Variants in ARL14EP observed in about 807,000 individuals in gnomAD.
ARL14EP encodes ARF like GTPase 14 effector protein.
Under a neutral mutation model 23.1 loss-of-function variants are expected in ARL14EP, and 12 were observed. The observed-to-expected ratio is 0.52, with a 90% CI of 0.33 to 0.84. ARL14EP has a LOEUF of 0.84. Ranked by LOEUF, ARL14EP falls within the 40% of genes least tolerant of loss-of-function variation. The pLI is 0.02. For missense variants in ARL14EP, 253 were observed against 307.3 expected (o/e 0.82, Z 1.32); for synonymous variants, 97 against 102.0 (o/e 0.95, Z 0.29).
intron 1 of ARL14EP, chr11:30,330,487 C>T (rs1409691748): frequency 6.4e-6 from 1 of 156,754 alleles, no homozygotes; most frequent in Non-Finnish European, 1.4e-5. Flanking sequence ...ATAATTTTCT[C>T]CATGAAGGTC....
intron 1 of ARL14EP, among the ~76,000 whole-genome samples, chr11:30,324,571 A>G (rs34729936): frequency 0.012 from 1,829 of 151,896 alleles, 73 homozygotes; most frequent in Admixed American, 0.078. Context: ...GTTCTGCATT[A>G]ACACCCCGAA....
At chr11:30,326,791 T>G (rs1947237890) in intron 1 of ARL14EP, among the ~76,000 whole-genome samples, 1 of 152,130 alleles carries the variant, frequency 6.6e-6, no homozygotes, top group African/African-American at 2.4e-5. Flanking sequence ...TATGGAAGAC[T>G]TTAAAACTAC....
At position 30,332,887 on chromosome 11, in the gene ARL14EP, A is replaced by C. The variant is rs1947296453; in HGVS notation, c.448A>C (p.Arg150=). 1 of 1,613,444 alleles carries C rather than the reference A, an allele frequency of 6.2e-7. No individual in the cohort carries two copies. Among genetic ancestry groups the C allele is most frequent in the Non-Finnish European group, 8.5e-7 (1 of 1,179,530 alleles). Residue 150 remains arginine (R), a synonymous_variant, in exon 3 of 4, where the codon AGG becomes CGG. Coordinates refer to ENST00000282032, the MANE Select transcript of ARL14EP (RefSeq NM_152316.3). ...TCAGGGAAGAACTGCTAAAGCTTTG[A>C]GGTCATTACAATTTACGAATCCAGG... ...ESDGRTAKAL[R]SLQFTNPGRQ... is the part of the protein sequence containing the mutation.
intron 2 of ARL14EP, chr11:30,331,733 G>T: frequency 9.5e-7 from 1 of 1,053,850 alleles, no homozygotes. Context: ...AAGGGTCTTT[G>T]CAGCAGGATG....
rs1947277646 is a variant in ARL14EP at position 30,330,977 on chromosome 11, A to C, written c.29A>C (p.Gln10Pro). 1 of 1,613,726 alleles carries C rather than the reference A, an allele frequency of 6.2e-7. No homozygotes were observed. Among genetic ancestry groups the C allele is most frequent in the Non-Finnish European group, 8.5e-7 (1 of 1,179,776 alleles). Residue 10 changes from glutamine (Q) to proline (P), a missense_variant, in exon 2 of 4, where the codon CAG (glutamine) becomes CCG (proline). Transcript: ENST00000282032. ...ATGGATCCATGTTCAGTTGGAGTCC[A>C]GCTTCGTACTACAAATGAGTGCCAT... is the stretch of plus-strand genomic sequence containing the variant. MMDPCSVGVQLRTTNECHKT... is the reference protein window; with the variant it reads MMDPCSVGVPLRTTNECHKT...
At chr11:30,335,243 T>A (rs192557781) in intron 3 of ARL14EP, among the ~76,000 whole-genome samples, 62 of 152,354 alleles carry the variant, frequency 4.1e-4, no homozygotes, top group African/African-American at 1.4e-3. Flanking sequence ...AAAACTTGAA[T>A]GGATAAGGAG....
chr11:30,333,147 A>G lies in ARL14EP; in HGVS notation c.554+154A>G, dbSNP rs1427871133. On this transcript the variant is annotated intron_variant, in intron 3 of 3. Transcript: ENST00000282032. Reference sequence around the variant, plus strand: ...CCTATGAAGGCCTTTGTTTTTATTCATATAAAATTAAGGTATCCCTTTCAA... The same window carrying G: ...CCTATGAAGGCCTTTGTTTTTATTCGTATAAAATTAAGGTATCCCTTTCAA... Among the ~76,000 whole-genome samples, 4 of 152,344 alleles carry G rather than the reference A, an allele frequency of 2.6e-5. No homozygotes were observed. The East Asian group carries it at 7.7e-4, about 29-fold the overall frequency.
intron 2 of ARL14EP, among the ~76,000 whole-genome samples, chr11:30,332,040 A>G (rs893080829): frequency 3.3e-5 from 5 of 152,110 alleles, no homozygotes; most frequent in Non-Finnish European, 7.4e-5. Context: ...ATATTTAACC[A>G]TATCAGAACA....
In ARL14EP at chr11:30,336,847, G is replaced by C. The variant is rs1473789456; in HGVS notation, c.*52G>C. Reference sequence around the variant, plus strand: ...TAAAGGTCTTTATTTCTAAAAATCTGTTACTCTAAGATACATTTTAAGCTT... The same window carrying C: ...TAAAGGTCTTTATTTCTAAAAATCTCTTACTCTAAGATACATTTTAAGCTT... On this transcript the variant is annotated 3_prime_UTR_variant, in exon 4 of 4. Transcript: ENST00000282032. The C allele has an allele frequency of 6.8e-7, 1 of 1,459,888 alleles. No individual in the cohort carries two copies. The highest frequency in any genetic ancestry group is 9.6e-7 in the Non-Finnish European group (1 of 1,044,544). 90.4% of individuals were successfully genotyped at this position (1,459,888 alleles called of 1,614,324 possible). A position where few individuals can be genotyped will look rare whatever the true frequency, so the allele number is the denominator to read the frequency against.
At chr11:30,326,506 A>G (rs553738899) in intron 1 of ARL14EP, among the ~76,000 whole-genome samples, 1 of 152,370 alleles carries the variant, frequency 6.6e-6, no homozygotes, top group East Asian at 1.9e-4. Flanking sequence ...TGTAGGCCAC[A>G]TTGCCAGAAC....
chr11:30,326,315 C>G (rs11031048), intron 1 of ARL14EP, among the ~76,000 whole-genome samples: 4,454 of 152,216 alleles, frequency 0.029, 224 homozygotes, highest in African/African-American at 0.1. Context: ...TTCTGTATTT[C>G]TACTGAGGTC....
At chr11:30,323,869 C>G (rs1947215471) in intron 1 of ARL14EP, among the ~76,000 whole-genome samples, 1 of 152,190 alleles carries the variant, frequency 6.6e-6, no homozygotes, top group Non-Finnish European at 1.5e-5. Context: ...ATGAAGGTTC[C>G]TGAAATGATG....
At chr11:30,329,589 A>C (rs1947266529) in intron 1 of ARL14EP, 1 of 152,206 alleles carries the variant, frequency 6.6e-6, no homozygotes, top group African/African-American at 2.4e-5. Context: ...TGAGAGTTGG[A>C]CACATCTTAA....
chr11:30,325,792 G>A (rs1278972454), intron 1 of ARL14EP, among the ~76,000 whole-genome samples: 1 of 152,204 alleles, frequency 6.6e-6, no homozygotes, highest in Non-Finnish European at 1.5e-5. Context: ...TGAAATAAAT[G>A]TGCAAGTGAG....
chr11:30,332,546 A>G lies in ARL14EP; in HGVS notation c.427-320A>G, dbSNP rs112808067. Reference sequence around the variant, plus strand: ...GAAATCAGTTATGTGCCACTGGATTATATAGCAGTTTTTGTGCCTTCTCTC... The same window carrying G: ...GAAATCAGTTATGTGCCACTGGATTGTATAGCAGTTTTTGTGCCTTCTCTC... On this transcript the variant is annotated intron_variant, in intron 2 of 3. Transcript: ENST00000282032. Among the ~76,000 whole-genome samples, 349 of 152,302 alleles carry G rather than the reference A, an allele frequency of 2.3e-3. 3 individuals carry two copies. The highest frequency in any genetic ancestry group is 7.9e-3 in the African/African-American group (330 of 41,560).
Position 30,324,669 on chromosome 11 carries a change from C to T in ARL14EP, c.-64+1467C>T, listed in dbSNP as rs1047770192. On this transcript the variant is annotated intron_variant, in intron 1 of 3. Transcript: ENST00000282032. ...CCTCAACCTAATCTACCTTCCTTACCGTTTGGTAATGGGCAGCAAGAGAAA... is the reference window on the plus strand; with the variant it reads ...CCTCAACCTAATCTACCTTCCTTACTGTTTGGTAATGGGCAGCAAGAGAAA... Among the ~76,000 whole-genome samples, 3 of 152,090 alleles carry T rather than the reference C, an allele frequency of 2.0e-5. No individual in the cohort carries two copies. The East Asian group carries it at 5.8e-4, about 29-fold the overall frequency.
At chr11:30,330,067 A>G (rs1189257404) in intron 1 of ARL14EP, 1 of 152,008 alleles carries the variant, frequency 6.6e-6, no homozygotes, top group Non-Finnish European at 1.5e-5. Context: ...TTGTTTGTGC[A>G]GAAGAGATCT....
In ARL14EP at chr11:30,337,298, T is replaced by G. The variant is rs1191903747; in HGVS notation, c.*503T>G. ...AGTCATGTTATTTCTTTCAAATTCT[T>G]CCAGTGGTTTGTCCCTGTGCATCTG... is the stretch of plus-strand genomic sequence containing the variant. On this transcript the variant is annotated 3_prime_UTR_variant, in exon 4 of 4. Transcript: ENST00000282032. 5.7e-6 allele frequency: 1 copy of G among 176,286 alleles called. No homozygotes were observed. The highest frequency in any genetic ancestry group is 1.2e-5 in the Non-Finnish European group (1 of 82,496). 10.9% of individuals were successfully genotyped at this position (176,286 alleles called of 1,614,324 possible). A position where few individuals can be genotyped will look rare whatever the true frequency, so the allele number is the denominator to read the frequency against.
At chr11:30,325,431 G>T (rs1947229281) in intron 1 of ARL14EP, among the ~76,000 whole-genome samples, 1 of 152,060 alleles carries the variant, frequency 6.6e-6, no homozygotes, top group Non-Finnish European at 1.5e-5. Flanking sequence ...AAGGGTGGGA[G>T]GATTTTTTAA....
Sources: allele counts gnomAD v4.1 joint callset (sites outside exome capture counted in the v4.1 genomes callset), GRCh38; gene constraint gnomAD v4.1.1; transcripts MANE v1.5; gene names NCBI Gene and HGNC (gene_info 2026-07-23, HGNC 2026-07-21).